CELSR1: variants seen among roughly 807,000 people sequenced by gnomAD.
CELSR1 encodes adhesion G protein-coupled receptor C1.
In CELSR1, 110 loss-of-function variants were observed where a neutral mutation model predicts 249.1. The ratio of observed to expected loss-of-function variants is 0.44; its 90% CI spans 0.38 to 0.52. CELSR1 has a LOEUF of 0.52. Ranked by LOEUF, CELSR1 falls within the 20% of genes least tolerant of loss-of-function variation. The pLI, the probability that CELSR1 is intolerant of heterozygous loss-of-function variation, is 0.00. For synonymous variants in CELSR1, 2,113 were observed against 1,900.0 expected, an observed-to-expected ratio of 1.11 and a Z score of -2.92; for missense variants, 4,109 against 4,296.4, an observed-to-expected ratio of 0.96 and a Z score of 1.22.
intron 30 of CELSR1, among the ~76,000 whole-genome samples, chr22:46,366,102 AGTGCGGGG>A: frequency 1.5e-4 from 1 of 6,518 alleles, no homozygotes; most frequent in Admixed American, 1.7e-3. Context: ...GGGAAGGTGC[AGTGCGGGG>A]AAGGTGCGGG....
chr22:46,422,579 AT>A (rs1465805698), intron 5 of CELSR1, among the ~76,000 whole-genome samples: 2 of 149,314 alleles, frequency 1.3e-5, no homozygotes, highest in Non-Finnish European at 3.0e-5. Flanking sequence ...CTAAAAAAAA[AT>A]AATAATAATA....
intron 1 of CELSR1, among the ~76,000 whole-genome samples, chr22:46,501,412 GC>G (rs2080465525): frequency 6.6e-6 from 1 of 152,002 alleles, no homozygotes; most frequent in Admixed American, 6.6e-5. Context: ...CACCATGTTG[GC>G]CAGGCTGGTC....
chr22:46,398,746 C>A lies in CELSR1; in HGVS notation c.5413-109G>T, dbSNP rs530244019. 76 of 805,860 alleles carry A rather than the reference C, an allele frequency of 9.4e-5. No homozygotes were observed. In the East Asian group the frequency reaches 2.1e-3, roughly 22 times the overall value. The allele number at this position is 805,860 out of a possible 1,614,324, so 49.9% of individuals were successfully genotyped here. The stretch of plus-strand genomic sequence containing the variant: ...GTCTAAACAGTCACTTCAACAAACT[C>A]CGCAGAGCCTGAGGACATCTGGGCC... On this transcript the variant is annotated intron_variant, in intron 10 of 34. Coordinates refer to ENST00000674500, the MANE Select transcript of CELSR1 (RefSeq NM_001378328.1). The surrounding 1 kb of genome is among the most constrained non-coding windows in gnomAD (Gnocchi z 7.2).
intron 18 of CELSR1, among the ~76,000 whole-genome samples, chr22:46,386,813 G>A (rs143966534): frequency 0.011 from 1,734 of 152,244 alleles, 31 homozygotes; most frequent in African/African-American, 0.039. Context: ...GAATGCAGTG[G>A]TGTCATCTCG....
intron 32 of CELSR1, 121 bp downstream of exon 32, chr22:46,365,110 T>C (rs2078752888): frequency 1.5e-6 from 2 of 1,364,460 alleles, no homozygotes; most frequent in Non-Finnish European, 1.9e-6. Context: ...CAGGCTGTCC[T>C]TTCATGTGGC....
At chr22:46,442,052 G>A (rs762986531) in intron 2 of CELSR1, among the ~76,000 whole-genome samples, 2 of 152,206 alleles carry the variant, frequency 1.3e-5, no homozygotes, top group Non-Finnish European at 2.9e-5. Context: ...GGAGGCTGAG[G>A]CAGGAGAATT....
At chr22:46,474,487 G>A (rs192867274) in intron 1 of CELSR1, among the ~76,000 whole-genome samples, 40 of 152,160 alleles carry the variant, frequency 2.6e-4, no homozygotes, top group African/African-American at 8.4e-4. Flanking sequence ...GTCTGGTCCC[G>A]ATGCCTGGTC....
At position 46,445,458 on chromosome 22, in the gene CELSR1, G is replaced by A. The variant is rs1039808469; in HGVS notation, c.4184-6047C>T. Among the ~76,000 whole-genome samples the A allele has an allele frequency of 2.0e-5, 3 of 152,110 alleles. No homozygotes were observed. Among genetic ancestry groups the A allele is most frequent in the African/African-American group, 7.2e-5 (3 of 41,408 alleles). On this transcript the variant is annotated intron_variant, in intron 2 of 34. Coordinates refer to ENST00000674500, the MANE Select transcript of CELSR1 (RefSeq NM_001378328.1). This position sits in a 1 kb window ranked among gnomAD's most constrained non-coding sequence, Gnocchi z 4.4. The stretch of plus-strand genomic sequence containing the variant: ...GCGGTGAACCAAAAATTGCACCATT[G>A]CACTCCAGCCTGGGTGACAGAGCAA...
chr22:46,367,608 C>A, intron 28 of CELSR1, 121 bp downstream of exon 28: 1 of 1,379,578 alleles, frequency 7.2e-7, no homozygotes, highest in Non-Finnish European at 9.8e-7. Flanking sequence ...CACAGGAGGC[C>A]CCCACGCGGG....
rs2079059792 is a variant in CELSR1 at position 46,388,988 on chromosome 22, G to A, written c.6555+302C>T. 2.0e-5 allele frequency among the ~76,000 whole-genome samples: 3 copies of A among 152,220 alleles called. No homozygotes were observed. In the South Asian group the frequency reaches 6.2e-4, roughly 32 times the overall value. ...TCACAGGCTGCATGGAAGGGAGAGG[G>A]GCTGATGCAGGTGGGCCACTTAGAA... On this transcript the variant is annotated intron_variant, in intron 18 of 34. Coordinates refer to ENST00000674500, the MANE Select transcript of CELSR1 (RefSeq NM_001378328.1).
At position 46,422,248 on chromosome 22, in the gene CELSR1, G is replaced by A. The variant is rs958106960; in HGVS notation, c.4612-10489C>T. Among the ~76,000 whole-genome samples, 6 of 151,878 alleles carry A rather than the reference G, an allele frequency of 4.0e-5. No homozygotes were observed. The East Asian group carries it at 1.2e-3, about 30-fold the overall frequency. On this transcript the variant is annotated intron_variant, in intron 5 of 34. Transcript: ENST00000674500. ...AGCCTCCCGAGTAGCTGAGATTATG[G>A]GCACCTGCCACCACGCCCGGCTAAT...
intron 5 of CELSR1, among the ~76,000 whole-genome samples, chr22:46,415,402 G>A (rs1294046774): frequency 2.0e-5 from 3 of 152,058 alleles, no homozygotes; most frequent in Admixed American, 1.3e-4. Context: ...CACCTGCCTC[G>A]GCCTCCCGAA....
chr22:46,391,268 G>A lies in CELSR1; in HGVS notation c.6168C>T (p.Pro2056=). The change falls in exon 16 of 35, where the codon CCC becomes CCT. Residue 2056 remains proline, a synonymous_variant. Transcript: ENST00000674500. The surrounding 1 kb of genome is among the most constrained non-coding windows in gnomAD (Gnocchi z 4.3). ...LGCEVIYNGC[P]KAFEAGIWWP... Reference sequence around the variant, plus strand: ...ACCAGATGCCGGCCTCAAATGCTTTGGGACAGCCATTGTAGATCACTGGGG... The same window carrying A: ...ACCAGATGCCGGCCTCAAATGCTTTAGGACAGCCATTGTAGATCACTGGGG... 6.2e-7 allele frequency: 1 copy of A among 1,613,640 alleles called. No homozygotes were observed. The highest frequency in any genetic ancestry group is 8.5e-7 in the Non-Finnish European group (1 of 1,179,980).
In CELSR1 at chr22:46,534,544, G is replaced by A; in HGVS notation, c.2627C>T (p.Thr876Ile). The change falls in exon 1 of 35, where the codon ACC (threonine) becomes ATC (isoleucine). Residue 876 changes from threonine to isoleucine, a missense_variant. This residue lies in a region of CELSR1 where 886 missense variants were observed against 896.5 expected (regional missense o/e 0.99). Coordinates refer to ENST00000674500, the MANE Select transcript of CELSR1 (RefSeq NM_001378328.1). This position sits in a 1 kb window ranked among gnomAD's most constrained non-coding sequence, Gnocchi z 9.7. The part of the protein sequence containing the change: ...DNGIPQKSDT[T>I]TLEILILDAN... ...ATCGAGGATGAGGATCTCTAGGGTG[G>A]TGGTGTCTGATTTCTGCGGGATGCC... 4.3e-6 allele frequency: 7 copies of A among 1,613,692 alleles called. No homozygotes were observed. Among genetic ancestry groups the A allele is most frequent in the Non-Finnish European group, 5.9e-6 (7 of 1,180,030 alleles).
At position 46,380,868 on chromosome 22, in the gene CELSR1, C is replaced by T. The variant is rs1180686218; in HGVS notation, c.7176G>A (p.Arg2392=). Residue 2392 remains arginine (R), a synonymous_variant, in exon 22 of 35, where the codon AGG becomes AGA. Coordinates refer to ENST00000674500, the MANE Select transcript of CELSR1 (RefSeq NM_001378328.1). The surrounding 1 kb of genome is among the most constrained non-coding windows in gnomAD (Gnocchi z 5.1). ...EGAPLPRPLE[R]PVLVEFALLE... ...GCAGGGCGAACTCCACCAGGACGGG[C>T]CTCTCCAGGGGTCTCGGGAGCGGAG... The T allele has an allele frequency of 6.2e-7, 1 of 1,612,894 alleles. No homozygotes were observed. Among genetic ancestry groups the T allele is most frequent in the African/African-American group, 1.3e-5 (1 of 74,926 alleles).
Position 46,428,833 on chromosome 22 carries a change from T to A in CELSR1, c.4611+4560A>T, listed in dbSNP as rs114634984. Among the ~76,000 whole-genome samples, 3,263 of 152,254 alleles carry A rather than the reference T, an allele frequency of 0.021. 122 individuals carry two copies. Among genetic ancestry groups the A allele is most frequent in the African/African-American group, 0.075 (3,096 of 41,540 alleles). Reference sequence around the variant, plus strand: ...GTCCCCAGCGGGCCACACTGCCTGGTGTCCATGTCAGGCACTACCTCCCCT... The same window carrying A: ...GTCCCCAGCGGGCCACACTGCCTGGAGTCCATGTCAGGCACTACCTCCCCT... On this transcript the variant is annotated intron_variant, in intron 5 of 34. Transcript: ENST00000674500. This position sits in a 1 kb window ranked among gnomAD's most constrained non-coding sequence, Gnocchi z 5.7.
At position 46,364,133 on chromosome 22, in the gene CELSR1, C is replaced by T. The variant is rs767367866; in HGVS notation, c.8898G>A (p.Thr2966=). The change falls in exon 34 of 35, where the codon ACG becomes ACA. Residue 2966 remains threonine (T), a synonymous_variant. Transcript: ENST00000674500. ...DCEQSPTSSR[T]SSLGSGGPDC... is the part of the protein sequence containing the mutation. The stretch of plus-strand genomic sequence containing the variant: ...CGGGGCCGCCAGAGCCCAGGGAAGA[C>T]GTGCGCGAGGATGTGGGGCTCTGCT... 25 of 1,612,210 alleles carry T rather than the reference C, an allele frequency of 1.6e-5. No homozygotes were observed. Among genetic ancestry groups the T allele is most frequent in the East Asian group, 4.5e-5 (2 of 44,884 alleles).
At chr22:46,487,333 G>T (rs1017221557) in intron 1 of CELSR1, among the ~76,000 whole-genome samples, 1 of 151,100 alleles carries the variant, frequency 6.6e-6, no homozygotes, top group African/African-American at 2.4e-5. Context: ...TCTTTTTAAA[G>T]ATTCTAATCT....
chr22:46,453,562 C>T lies in CELSR1; in HGVS notation c.4183+10145G>A, dbSNP rs141589283. Among the ~76,000 whole-genome samples, 725 of 152,330 alleles carry T rather than the reference C, an allele frequency of 4.8e-3. 6 individuals are homozygous for T. The highest frequency in any genetic ancestry group is 0.016 in the African/African-American group (685 of 41,584). ...ACCCAGCCCTGGCAGGCCAGAGGTG[C>T]GTGATTAACCTGGCCCCTGGCCCCC... On this transcript the variant is annotated intron_variant, in intron 2 of 34. Coordinates refer to ENST00000674500, the MANE Select transcript of CELSR1 (RefSeq NM_001378328.1).
Sources: allele counts gnomAD v4.1 joint callset (sites outside exome capture counted in the v4.1 genomes callset), GRCh38; gene constraint gnomAD v4.1.1; regional missense constraint gnomAD v4.1.1; non-coding constraint Gnocchi (gnomAD v3.1); transcripts MANE v1.5; gene names NCBI Gene and HGNC (gene_info 2026-07-23, HGNC 2026-07-21).